Variants in SEMA3E observed in about 807,000 individuals in gnomAD.
SEMA3E encodes the protein semaphorin-3E.
A neutral mutation model predicts 93.6 loss-of-function variants in SEMA3E; 49 were observed. That is an observed-to-expected ratio of 0.52 (90% CI 0.42 to 0.66). The LOEUF (loss-of-function observed/expected upper bound fraction) is 0.66. Ranked by LOEUF, SEMA3E falls within the 30% of genes least tolerant of loss-of-function variation. SEMA3E has a pLI of 0.00. For synonymous variants in SEMA3E, 363 were observed against 330.7 expected (o/e 1.10, Z -1.06); for missense variants, 906 against 964.8 (o/e 0.94, Z 0.81).
intron 4 of SEMA3E, among the ~76,000 whole-genome samples, chr7:83,464,589 C>G (rs1584266475): frequency 6.9e-6 from 1 of 144,704 alleles, no homozygotes; most frequent in Non-Finnish European, 1.5e-5. Flanking sequence ...TAGGCACTCT[C>G]TAATCAGATA....
chr7:83,581,779 A>T (rs1217811343), intron 1 of SEMA3E, among the ~76,000 whole-genome samples: 2 of 151,990 alleles, frequency 1.3e-5, no homozygotes, highest in Non-Finnish European at 2.9e-5. Flanking sequence ...AAAATGGACT[A>T]AAACTCCCTG....
chr7:83,456,502 T>G (rs1223111747), intron 4 of SEMA3E, among the ~76,000 whole-genome samples: 4 of 152,122 alleles, frequency 2.6e-5, no homozygotes. Context: ...AATAAATAAT[T>G]TAAGTTTTCT....
chr7:83,577,719 A>G (rs1792435038), intron 1 of SEMA3E, among the ~76,000 whole-genome samples: 1 of 152,186 alleles, frequency 6.6e-6, no homozygotes. Flanking sequence ...GAGGTTTTAA[A>G]GCATTAATAA....
chr7:83,451,647 GACAGAAACTGTGGAAT>G (rs1789361314), intron 4 of SEMA3E, among the ~76,000 whole-genome samples: 1 of 152,198 alleles, frequency 6.6e-6, no homozygotes, highest in South Asian at 2.1e-4. Flanking sequence ...TTGTGTGCTT[GACAGAAACTGTGGAAT>G]ACTGTTAAGC....
chr7:83,384,664 C>T (rs1029497880), intron 16 of SEMA3E, among the ~76,000 whole-genome samples: 1 of 151,924 alleles, frequency 6.6e-6, no homozygotes, highest in African/African-American at 2.4e-5. Flanking sequence ...CAGTAACTGC[C>T]TCCTATTCTA....
intron 16 of SEMA3E, among the ~76,000 whole-genome samples, 159 bp from the exon 17 acceptor site, chr7:83,368,197 C>A (rs1259109593): frequency 3.0e-5 from 1 of 33,202 alleles, no homozygotes; most frequent in African/African-American, 9.1e-5. Flanking sequence ...AATTACATCT[C>A]TCTCTCTCTC....
At chr7:83,426,980 T>C (rs1194243518) in intron 4 of SEMA3E, among the ~76,000 whole-genome samples, 1 of 152,072 alleles carries the variant, frequency 6.6e-6, no homozygotes, top group African/African-American at 2.4e-5. Flanking sequence ...ATTAATATAT[T>C]AAAGTTTCTG....
intron 5 of SEMA3E, among the ~76,000 whole-genome samples, chr7:83,415,165 G>C (rs2371671): frequency 0.53 from 81,074 of 151,834 alleles, 23,427 homozygotes; most frequent in East Asian, 0.84. Flanking sequence ...GAAAGGCATG[G>C]ATACGCAATG....
chr7:83,536,476 C>T (rs1394303836), intron 1 of SEMA3E, among the ~76,000 whole-genome samples: 1 of 152,038 alleles, frequency 6.6e-6, no homozygotes, highest in Non-Finnish European at 1.5e-5. Flanking sequence ...GGCACCTTTT[C>T]TCATCATTCT....
chr7:83,577,087 A>G (rs768852225), intron 1 of SEMA3E, among the ~76,000 whole-genome samples: 42 of 152,174 alleles, frequency 2.8e-4, no homozygotes, highest in Non-Finnish European at 5.4e-4. Context: ...TATATTGTCC[A>G]CCTAATCACT....
chr7:83,509,914 C>G (rs1790782670), intron 1 of SEMA3E, among the ~76,000 whole-genome samples: 1 of 152,200 alleles, frequency 6.6e-6, no homozygotes, highest in East Asian at 1.9e-4. Context: ...CAAAGAATTG[C>G]CAAGACATCA....
At chr7:83,581,859 C>G (rs779622237) in intron 1 of SEMA3E, among the ~76,000 whole-genome samples, 3 of 151,948 alleles carry the variant, frequency 2.0e-5, no homozygotes, top group Non-Finnish European at 4.4e-5. Context: ...TTCTGCCAAT[C>G]AAGGATAATG....
intron 2 of SEMA3E, among the ~76,000 whole-genome samples, chr7:83,479,303 G>A (rs115830046): frequency 0.012 from 1,764 of 152,160 alleles, 31 homozygotes; most frequent in African/African-American, 0.04. Context: ...CCACTCCTCC[G>A]AAACTTTCTT....
chr7:83,493,496 A>G (rs2251923), intron 1 of SEMA3E, among the ~76,000 whole-genome samples: 151,324 of 152,074 alleles, frequency 1, 75,289 homozygotes, highest in Middle Eastern at 1. Flanking sequence ...ATTGAGAAAT[A>G]TCATTTTATT....
At chr7:83,535,544 G>A (rs914857735) in intron 1 of SEMA3E, among the ~76,000 whole-genome samples, 1 of 151,938 alleles carries the variant, frequency 6.6e-6, no homozygotes. Context: ...ATTCACACTT[G>A]CCTCAAAGAC....
chr7:83,385,792 A>G (rs1787868043), intron 15 of SEMA3E, among the ~76,000 whole-genome samples: 2 of 152,188 alleles, frequency 1.3e-5, no homozygotes, highest in South Asian at 4.1e-4. Flanking sequence ...ATTCGTGGAT[A>G]CAAACAAAAG....
intron 1 of SEMA3E, among the ~76,000 whole-genome samples, chr7:83,597,098 C>A (rs1792891761): frequency 1.3e-5 from 2 of 152,044 alleles, no homozygotes; most frequent in Admixed American, 1.3e-4. Flanking sequence ...CTTATAGAAC[C>A]ACCAGTGCTA....
At chr7:83,638,909 AG>A (rs1361486245) in intron 1 of SEMA3E, among the ~76,000 whole-genome samples, 4 of 151,572 alleles carry the variant, frequency 2.6e-5, no homozygotes, top group Non-Finnish European at 4.4e-5. Context: ...CAGGAGATCG[AG>A]ACCATCCCGG....
chr7:83,411,563 AAAAT>A (rs764023474), intron 5 of SEMA3E, among the ~76,000 whole-genome samples: 14 of 152,096 alleles, frequency 9.2e-5, no homozygotes, highest in South Asian at 2.1e-4. Flanking sequence ...ACATTAGTGA[AAAAT>A]AAATAATAAT....
Sources: allele counts gnomAD v4.1 joint callset (sites outside exome capture counted in the v4.1 genomes callset), GRCh38; gene constraint gnomAD v4.1.1; transcripts MANE v1.5; gene names NCBI Gene and HGNC (gene_info 2026-07-23, HGNC 2026-07-21).